The following FBXW2 variants were observed in gnomAD, a reference collection of about 807,000 sequenced individuals.
The protein encoded by FBXW2 is F-box and WD repeat domain containing 2, also known as F-box/WD repeat-containing protein 2.
FBXW2 carries 12 observed loss-of-function variants against 46.0 expected under a neutral mutation model. The ratio of observed to expected loss-of-function variants is 0.26; its 90% CI spans 0.17 to 0.42. The LOEUF is 0.42. Ranked by LOEUF, FBXW2 falls within the 10% of genes least tolerant of loss-of-function variation. FBXW2 has a pLI of 1.00. For synonymous variants in FBXW2, 203 were observed against 209.6 expected (o/e 0.97, Z 0.27); for missense variants, 360 against 537.0 (o/e 0.67, Z 3.26).
At chr9:120,769,290 G>GA (rs2044329061) in intron 7 of FBXW2, among the ~76,000 whole-genome samples, 1 of 152,110 alleles carries the variant, frequency 6.6e-6, no homozygotes, top group Admixed American at 6.5e-5. Context: ...TGTTTGGGAG[G>GA]AAAAAAGCAG....
rs1394859234 is a variant in FBXW2, at chr9:120,779,978, A to G, written c.491-1433T>C. Among the ~76,000 whole-genome samples the G allele has an allele frequency of 5.9e-5, 9 of 152,120 alleles. No individual in the cohort carries two copies. In the East Asian group the frequency reaches 1.7e-3, roughly 29 times the overall value. On this transcript the variant is annotated intron_variant, in intron 3 of 7. Transcript: ENST00000608872. ...ACCATCGCGAAACCCTGTCTCTACT[A>G]AAATAAAAAAAATCAGCCGGGCATG...
rs1355656141 is a variant in FBXW2 at position 120,758,998 on chromosome 9, C to A, written c.*5561G>T. The A allele has an allele frequency of 2.0e-5, 3 of 152,142 alleles. No homozygotes were observed. The highest frequency in any genetic ancestry group is 4.4e-5 in the Non-Finnish European group (3 of 68,022). 9.4% of individuals were successfully genotyped at this position (152,142 alleles called of 1,614,324 possible). A position where few individuals can be genotyped will look rare whatever the true frequency, so the allele number is the denominator to read the frequency against. Reference sequence around the variant, plus strand: ...ACCTTTATTGTTTTGCTTTTTGGATCACCTTCAGAAATGGTTATATTGTTG... The same window carrying A: ...ACCTTTATTGTTTTGCTTTTTGGATAACCTTCAGAAATGGTTATATTGTTG... On this transcript the variant is annotated 3_prime_UTR_variant, in exon 8 of 8. Transcript: ENST00000608872.
chr9:120,790,492 A>G (rs28535846), intron 2 of FBXW2, among the ~76,000 whole-genome samples: 1 of 152,078 alleles, frequency 6.6e-6, no homozygotes, highest in Non-Finnish European at 1.5e-5. Flanking sequence ...TCAAAAAAGA[A>G]AAAAAAGAAA....
chr9:120,783,626 CCACA>C (rs1398707283), intron 3 of FBXW2, among the ~76,000 whole-genome samples: 2 of 152,160 alleles, frequency 1.3e-5, no homozygotes, highest in Admixed American at 6.6e-5. Flanking sequence ...TTGCTATAGT[CCACA>C]CAGAGACTTT....
At chr9:120,785,112 G>A (rs1242153722) in intron 3 of FBXW2, among the ~76,000 whole-genome samples, 1 of 151,328 alleles carries the variant, frequency 6.6e-6, no homozygotes, top group African/African-American at 2.4e-5. Flanking sequence ...GGGCTCAAGC[G>A]ATCCTCTCAC....
chr9:120,767,902 G>C (rs1481844294), intron 7 of FBXW2, among the ~76,000 whole-genome samples: 2 of 152,118 alleles, frequency 1.3e-5, no homozygotes, highest in Non-Finnish European at 2.9e-5. Context: ...TCTAGTCCAA[G>C]ACACCATCTT....
chr9:120,780,377 G>T (rs2044586427), intron 3 of FBXW2, among the ~76,000 whole-genome samples: 2 of 150,712 alleles, frequency 1.3e-5, no homozygotes, highest in Non-Finnish European at 3.0e-5. Context: ...AAAAGAAAAT[G>T]TGTTAAAATA....
rs1448995231 is a variant in FBXW2 at position 120,759,925 on chromosome 9, AG to A, written c.*4633del. The stretch of plus-strand genomic sequence containing the variant: ...GATTAGGCTGATGGGAATGGTGCAA[AG>A]ACTACTCAGTAATCCATTTGAGGAT... On this transcript the variant is annotated 3_prime_UTR_variant, in exon 8 of 8. Transcript: ENST00000608872. The A allele has an allele frequency of 2.0e-5, 3 of 152,250 alleles. No homozygotes were observed. Among genetic ancestry groups the A allele is most frequent in the Non-Finnish European group, 2.9e-5 (2 of 68,050 alleles). 9.4% of individuals were successfully genotyped at this position (152,250 alleles called of 1,614,324 possible). A position where few individuals can be genotyped will look rare whatever the true frequency, so the allele number is the denominator to read the frequency against.
At chr9:120,780,959 T>G (rs1001917131) in intron 3 of FBXW2, among the ~76,000 whole-genome samples, 7 of 152,100 alleles carry the variant, frequency 4.6e-5, no homozygotes, top group Non-Finnish European at 8.8e-5. Flanking sequence ...CTGGCATGAT[T>G]GGTTCTTCAA....
intron 2 of FBXW2, among the ~76,000 whole-genome samples, chr9:120,791,390 T>TAG (rs1337714032): frequency 6.6e-6 from 1 of 152,210 alleles, no homozygotes; most frequent in Non-Finnish European, 1.5e-5. Flanking sequence ...GGCCAGATGT[T>TAG]TTACTGATTC....
chr9:120,786,114 A>G (rs2044717582), intron 3 of FBXW2, among the ~76,000 whole-genome samples: 1 of 152,116 alleles, frequency 6.6e-6, no homozygotes, highest in African/African-American at 2.4e-5. Context: ...AATGAATTCA[A>G]GGGAAAAAGA....
At chr9:120,774,285 C>T (rs1186034756) in intron 5 of FBXW2, among the ~76,000 whole-genome samples, 5 of 149,466 alleles carry the variant, frequency 3.3e-5, no homozygotes, top group Admixed American at 2.0e-4. Context: ...TGCAGTGAGC[C>T]GAGATCGTGC....
rs1300129089 is a variant in FBXW2 at position 120,761,631 on chromosome 9, T to G, written c.*2928A>C. 1.3e-5 allele frequency: 2 copies of G among 152,224 alleles called. No homozygotes were observed. The highest frequency in any genetic ancestry group is 4.8e-5 in the African/African-American group (2 of 41,448). The allele number at this position is 152,224 out of a possible 1,614,324, so 9.4% of individuals were successfully genotyped here. On this transcript the variant is annotated 3_prime_UTR_variant, in exon 8 of 8. Transcript: ENST00000608872. ...TTTCCATTTTTATAAAAACTGGCGA[T>G]AGTATGAATAAACCCAGCATCTATA...
At chr9:120,774,843 AT>A (rs1180012991) in intron 5 of FBXW2, among the ~76,000 whole-genome samples, 1 of 152,062 alleles carries the variant, frequency 6.6e-6, no homozygotes, top group Non-Finnish European at 1.5e-5. Flanking sequence ...ATCATACAGG[AT>A]TACCACCTCT....
Position 120,771,389 on chromosome 9 carries a change from A to G in FBXW2, c.1035T>C (p.Leu345=), listed in dbSNP as rs1229083279. Residue 345 remains leucine, a synonymous_variant, in exon 7 of 8, where the codon CTT becomes CTC. Coordinates refer to ENST00000608872, the MANE Select transcript of FBXW2 (RefSeq NM_012164.4). ...DGKYIVCSSA[L]GLYQWDFASY... ...TGGCAAAGTCCCACTGGTAGAGACC[A>G]AGTGCTGAACTACAGACAATGTATT... The G allele has an allele frequency of 6.2e-7, 1 of 1,613,966 alleles. No homozygotes were observed. Among genetic ancestry groups the G allele is most frequent in the African/African-American group, 1.3e-5 (1 of 74,938 alleles).
rs555356390 is a variant in FBXW2, at chr9:120,792,532, T to C, written c.-21+617A>G. The C allele has an allele frequency of 1.6e-4, 26 of 158,458 alleles. 1 individual carries two copies. The highest frequency in any genetic ancestry group is 6.3e-3 in the Middle Eastern group (2 of 320). 9.8% of individuals were successfully genotyped at this position (158,458 alleles called of 1,614,324 possible). On this transcript the variant is annotated intron_variant, in intron 2 of 7. Transcript: ENST00000608872. ...GTATACCTTTTAAAACTGAAAACCA[T>C]GTTAAGTATAATATACTATCAAAAA...
chr9:120,773,161 T>C (rs1012371579), intron 5 of FBXW2, among the ~76,000 whole-genome samples: 1 of 150,632 alleles, frequency 6.6e-6, no homozygotes, highest in Non-Finnish European at 1.5e-5. Context: ...CACTCCAACC[T>C]GGGCAACAGA....
In FBXW2 at chr9:120,760,266, C is replaced by A. The variant is rs771489492; in HGVS notation, c.*4293G>T. 1.3e-5 allele frequency: 2 copies of A among 152,260 alleles called. No individual in the cohort carries two copies. The highest frequency in any genetic ancestry group is 2.9e-5 in the Non-Finnish European group (2 of 68,130). 9.4% of individuals were successfully genotyped at this position (152,260 alleles called of 1,614,324 possible). On this transcript the variant is annotated 3_prime_UTR_variant, in exon 8 of 8. Transcript: ENST00000608872. ...TCATGAGTAGCAATCTGATTCTGCT[C>A]GCTTCCCAACAGAGAAAGGCAAGTG...
chr9:120,777,424 C>G (rs1161530184), intron 4 of FBXW2, among the ~76,000 whole-genome samples: 1 of 152,188 alleles, frequency 6.6e-6, no homozygotes, highest in Admixed American at 6.5e-5. Flanking sequence ...ACTCCAGTCA[C>G]ATGGGTGAAC....
Sources: gnomAD v4.1 joint callset for allele counts (sites outside exome capture counted in the v4.1 genomes callset) on GRCh38, gnomAD v4.1.1 for gene constraint, MANE v1.5 for transcripts, NCBI Gene and HGNC (gene_info 2026-07-23, HGNC 2026-07-21) for gene names.